LIMCH1: variants seen among roughly 807,000 people sequenced by gnomAD.
LIMCH1 encodes the protein LIM and calponin homology domains-containing protein 1.
In LIMCH1, 113 loss-of-function variants were observed where a neutral mutation model predicts 176.5. The observed-to-expected ratio is 0.64, with a 90% CI of 0.55 to 0.75. The LOEUF is 0.75. Among genes scored for constraint, LIMCH1 ranks in the 30% least tolerant of loss-of-function variants. LIMCH1 has a pLI of 0.00. For synonymous variants in LIMCH1, 619 were observed against 645.9 expected (o/e 0.96, Z 0.63); for missense variants, 1,674 against 1,814.9 (o/e 0.92, Z 1.41).
At chr4:41,616,400 G>A (rs1176205411) in intron 5 of LIMCH1, among the ~76,000 whole-genome samples, 1 of 151,994 alleles carries the variant, frequency 6.6e-6, no homozygotes, top group African/African-American at 2.4e-5. Flanking sequence ...ATGGTGGCGG[G>A]CGCCTGTAAT....
intron 13 of LIMCH1, 106 bp downstream of exon 13, chr4:41,633,914 A>G: frequency 8.0e-7 from 1 of 1,247,820 alleles, no homozygotes; most frequent in Non-Finnish European, 1.1e-6. Context: ...TGCTGTTGCT[A>G]GCAGAAACAG....
At chr4:41,650,965 C>T (rs1285214471) in intron 18 of LIMCH1, among the ~76,000 whole-genome samples, 4 of 146,170 alleles carry the variant, frequency 2.7e-5, no homozygotes, top group African/African-American at 1.0e-4. Context: ...CTGGTGTTCT[C>T]CCTGTGGATG....
rs1582771504 is a variant in LIMCH1 at position 41,472,337 on chromosome 4, C to A, written c.97-22199C>A. Among the ~76,000 whole-genome samples, 3 of 149,938 alleles carry A rather than the reference C, an allele frequency of 2.0e-5. No homozygotes were observed. The South Asian group carries it at 6.4e-4, about 32-fold the overall frequency. ...AGTTCCTTCCCTCCCTCCCTCCCTC[C>A]CTGCCTCCCTCCCTGCCCCTCCCTT... On this transcript the variant is annotated intron_variant, in intron 1 of 26. Coordinates refer to the LIMCH1 transcript ENST00000313860.
intron 1 of LIMCH1, among the ~76,000 whole-genome samples, chr4:41,574,167 G>T (rs2152632832): frequency 6.6e-6 from 1 of 150,634 alleles, no homozygotes; most frequent in East Asian, 2.0e-4. Flanking sequence ...AAAAGTCTCA[G>T]AAAGATAAAA....
chr4:41,597,716 C>A (rs2089165382), intron 1 of LIMCH1, among the ~76,000 whole-genome samples: 1 of 152,158 alleles, frequency 6.6e-6, no homozygotes, highest in African/African-American at 2.4e-5. Flanking sequence ...AAGAGTTTCC[C>A]TGATTAGGTC....
At chr4:41,440,404 A>G (rs2062574472) in intron 1 of LIMCH1, among the ~76,000 whole-genome samples, 1 of 152,200 alleles carries the variant, frequency 6.6e-6, no homozygotes. Flanking sequence ...TAGCAGAGCA[A>G]TTTGTTATGT....
intron 16 of LIMCH1, 91 bp from the exon 17 acceptor site, chr4:41,646,394 C>A: frequency 1.3e-6 from 2 of 1,514,654 alleles, no homozygotes; most frequent in Non-Finnish European, 8.9e-7. Flanking sequence ...ATTCCCTGTA[C>A]TATCTCTTCA....
intron 1 of LIMCH1, among the ~76,000 whole-genome samples, chr4:41,399,721 C>T (rs1202569410): frequency 4.2e-5 from 4 of 94,902 alleles, no homozygotes; most frequent in Admixed American, 3.1e-4. Context: ...CTTGCTCTTT[C>T]GCCAGGCTGG....
At chr4:41,657,130 G>A (rs147197937) in intron 18 of LIMCH1, among the ~76,000 whole-genome samples, 21 of 152,342 alleles carry the variant, frequency 1.4e-4, no homozygotes, top group African/African-American at 4.6e-4. Context: ...GGGGAAGCCA[G>A]CTCCTGGCTG....
In LIMCH1 at chr4:41,490,363, A is replaced by G. The variant is rs986653374; in HGVS notation, c.97-4173A>G. Among the ~76,000 whole-genome samples, 15 of 149,414 alleles carry G rather than the reference A, an allele frequency of 1.0e-4. 1 individual carries two copies. Among genetic ancestry groups the G allele is most frequent in the Admixed American group, 8.7e-4 (13 of 14,900 alleles). On this transcript the variant is annotated intron_variant, in intron 1 of 26. Coordinates refer to the LIMCH1 transcript ENST00000313860. ...GCAGGGTCATAGGATAATAGTGGAG[A>G]GAAGGTCAGCAGATAAACATGAGAA...
chr4:41,685,661 T>TA, intron 27 of LIMCH1, 49 bp from the exon 28 acceptor site: 1 of 1,607,716 alleles, frequency 6.2e-7, no homozygotes, highest in Non-Finnish European at 8.5e-7. Context: ...TCCTAGGTAG[T>TA]AAGGTGATTT....
At chr4:41,397,101 T>G (rs2057883475) in intron 1 of LIMCH1, among the ~76,000 whole-genome samples, 1 of 152,166 alleles carries the variant, frequency 6.6e-6, no homozygotes, top group Non-Finnish European at 1.5e-5. Context: ...AGTTAAGGAT[T>G]GGGCCATTGG....
At position 41,494,573 on chromosome 4, in the gene LIMCH1, G is replaced by A. The variant is rs148618417; in HGVS notation, c.134G>A (p.Arg45Gln). The A allele has an allele frequency of 3.5e-5, 57 of 1,612,126 alleles. No individual in the cohort carries two copies. In the African/African-American group the frequency reaches 4.5e-4, roughly 13 times the overall value. ...AGAAGTTTTGGTGATAAAGATTTTCGGACAGGTTTAGAAAATGGAATCCTC... is the reference window on the plus strand; with the variant it reads ...AGAAGTTTTGGTGATAAAGATTTTCAGACAGGTTTAGAAAATGGAATCCTC... The change falls in exon 2 of 27, where the codon CGG becomes CAG. Residue 45 changes from arginine to glutamine, a missense_variant. Physicochemically the swap from Arg to Gln is conservative, Grantham distance 43. Transcript: ENST00000313860.
chr4:41,408,145 A>G (rs945779160), intron 1 of LIMCH1, among the ~76,000 whole-genome samples: 1 of 152,164 alleles, frequency 6.6e-6, no homozygotes, highest in Non-Finnish European at 1.5e-5. Context: ...AAGGCAGCAA[A>G]GTGAACAAGG....
chr4:41,427,934 A>G (rs2061259396), intron 1 of LIMCH1, among the ~76,000 whole-genome samples: 1 of 141,938 alleles, frequency 7.0e-6, no homozygotes, highest in African/African-American at 2.8e-5. Context: ...AAAATGGTGC[A>G]TCTATTTGGA....
chr4:41,673,512 A>G (rs2095120051), intron 22 of LIMCH1, among the ~76,000 whole-genome samples: 1 of 152,186 alleles, frequency 6.6e-6, no homozygotes, highest in Non-Finnish European at 1.5e-5. Flanking sequence ...ATAGAACAGA[A>G]AATAAAAGAA....
intron 1 of LIMCH1, among the ~76,000 whole-genome samples, chr4:41,489,760 A>G (rs919448288): frequency 1.1e-4 from 16 of 152,170 alleles, no homozygotes; most frequent in African/African-American, 2.9e-4. Flanking sequence ...GAAAAAATAT[A>G]TATATAGTTG....
chr4:41,470,475 G>T (rs998892891), intron 1 of LIMCH1, among the ~76,000 whole-genome samples: 5 of 152,030 alleles, frequency 3.3e-5, no homozygotes, highest in Non-Finnish European at 7.4e-5. Context: ...CATTCCTTTA[G>T]TATGTGCCCT....
intron 1 of LIMCH1, among the ~76,000 whole-genome samples, chr4:41,464,868 A>C (rs2065903007): frequency 6.6e-6 from 1 of 152,170 alleles, no homozygotes; most frequent in Non-Finnish European, 1.5e-5. Flanking sequence ...CTGTTACAGT[A>C]GGTGCATGCA....
Sources: gnomAD v4.1 joint callset for allele counts (sites outside exome capture counted in the v4.1 genomes callset) on GRCh38, gnomAD v4.1.1 for gene constraint, MANE v1.5 for transcripts, NCBI Gene and HGNC (gene_info 2026-07-23, HGNC 2026-07-21) for gene names.